Variants in PPA2 observed in about 807,000 individuals in gnomAD.
PPA2 encodes the protein inorganic pyrophosphatase 2, also known as inorganic pyrophosphatase 2, mitochondrial.
A neutral mutation model predicts 49.5 loss-of-function variants in PPA2; 48 were observed. The observed-to-expected ratio is 0.97, with a 90% CI of 0.77 to 1.23. The LOEUF is 1.23. PPA2 is among the 50% of genes most tolerant of loss of function. PPA2 has a pLI of 0.00. For synonymous variants in PPA2, 131 were observed against 139.9 expected (o/e 0.94, Z 0.45); for missense variants, 429 against 410.1 (o/e 1.05, Z -0.40).
intron 1 of PPA2, among the ~76,000 whole-genome samples, chr4:105,460,206 A>G (rs1004018876): frequency 6.6e-6 from 1 of 152,232 alleles, no homozygotes; most frequent in African/African-American, 2.4e-5. Context: ...TAAACATAAT[A>G]CAAATAAAAC....
chr4:105,456,516 T>C, intron 2 of PPA2, 165 bp downstream of exon 2: 2 of 570,390 alleles, frequency 3.5e-6, no homozygotes, highest in Non-Finnish European at 6.4e-6. Flanking sequence ...CCTATTCTCA[T>C]ACAACTTTTA....
At chr4:105,396,074 G>T (rs1734129134) in intron 9 of PPA2, among the ~76,000 whole-genome samples, 175 bp downstream of exon 9, 1 of 151,940 alleles carries the variant, frequency 6.6e-6, no homozygotes, top group African/African-American at 2.4e-5. Flanking sequence ...TGAGAAAAAA[G>T]ATCACGTCAA....
intron 9 of PPA2, among the ~76,000 whole-genome samples, chr4:105,391,480 C>T (rs1733920092): frequency 6.6e-6 from 1 of 151,254 alleles, no homozygotes; most frequent in Non-Finnish European, 1.5e-5. Flanking sequence ...CATATTTAGA[C>T]TACCTACTGC....
chr4:105,425,458 T>C lies in PPA2; in HGVS notation c.529-1136A>G, dbSNP rs532827582. Among the ~76,000 whole-genome samples, 65 of 151,984 alleles carry C rather than the reference T, an allele frequency of 4.3e-4. 1 individual carries two copies. The highest frequency in any genetic ancestry group is 7.7e-4 in the Non-Finnish European group (52 of 67,970). ...TCTCTCAATGAGCTTAACAACAAAA[T>C]AGACATTGCCAAAGAGAAAATTAGT... On this transcript the variant is annotated intron_variant, in intron 6 of 11. Transcript: ENST00000341695.
intron 9 of PPA2, among the ~76,000 whole-genome samples, chr4:105,388,967 A>G (rs1031321119): frequency 1.1e-4 from 17 of 152,170 alleles, no homozygotes; most frequent in African/African-American, 3.9e-4. Flanking sequence ...CTATTTATCA[A>G]ATAGGCTCTT....
chr4:105,397,012 A>G (rs1039737277), intron 8 of PPA2, among the ~76,000 whole-genome samples: 3 of 152,234 alleles, frequency 2.0e-5, no homozygotes, highest in Admixed American at 6.5e-5. Context: ...ATAAGCAACA[A>G]TAGATATACC....
chr4:105,449,250 A>G, intron 4 of PPA2, 100 bp downstream of exon 4: 1 of 432,764 alleles, frequency 2.3e-6, no homozygotes, highest in Non-Finnish European at 3.7e-6. Context: ...AAAAAAAAAA[A>G]AAAAAAAAAA....
At chr4:105,382,128 T>A (rs1473249790) in intron 10 of PPA2, among the ~76,000 whole-genome samples, 2 of 151,982 alleles carry the variant, frequency 1.3e-5, no homozygotes, top group Non-Finnish European at 2.9e-5. Flanking sequence ...GTTTTAAATA[T>A]AAATTATTTA....
intron 5 of PPA2, among the ~76,000 whole-genome samples, chr4:105,440,064 T>C (rs539783226): frequency 1.3e-5 from 2 of 151,454 alleles, no homozygotes; most frequent in African/African-American, 2.4e-5. Context: ...ATCTGAGAGG[T>C]TCCTCCTTGC....
chr4:105,399,175 A>G lies in PPA2; in HGVS notation c.656-11T>C. ...TAACATCATCAATATCTGTAAAGAA[A>G]AAAACAAAAAGATGTTTTGTTAAGA... On this transcript the variant is annotated splice_polypyrimidine_tract_variant and intron_variant, in intron 7 of 11. Transcript: ENST00000341695. 1 of 1,582,478 alleles carries G rather than the reference A, an allele frequency of 6.3e-7. No individual in the cohort carries two copies. Among genetic ancestry groups the G allele is most frequent in the Non-Finnish European group, 8.5e-7 (1 of 1,171,472 alleles).
At chr4:105,469,487 A>G (rs992677332) in intron 1 of PPA2, among the ~76,000 whole-genome samples, 2 of 152,232 alleles carry the variant, frequency 1.3e-5, no homozygotes, top group Non-Finnish European at 2.9e-5. Context: ...AGACAGCTAA[A>G]TGTATGCCAT....
chr4:105,393,187 C>G (rs1733992947), intron 9 of PPA2, among the ~76,000 whole-genome samples: 1 of 151,990 alleles, frequency 6.6e-6, no homozygotes, highest in South Asian at 2.1e-4. Flanking sequence ...TCCATGAGAA[C>G]AAGTTTGGAT....
chr4:105,463,123 G>A (rs1310904386), intron 1 of PPA2, among the ~76,000 whole-genome samples: 5 of 152,190 alleles, frequency 3.3e-5, no homozygotes, highest in Admixed American at 1.3e-4. Flanking sequence ...ACAGGAAAAC[G>A]TGGGAAAGTC....
intron 6 of PPA2, among the ~76,000 whole-genome samples, chr4:105,433,853 G>A (rs1399986904): frequency 2.6e-5 from 4 of 152,194 alleles, no homozygotes; most frequent in Non-Finnish European, 4.4e-5. Flanking sequence ...AGATATGGAT[G>A]ATATTTGCAG....
rs73836216 is a variant in PPA2, at chr4:105,456,845, G to A, written c.158-100C>T. On this transcript the variant is annotated intron_variant, in intron 1 of 11. Transcript: ENST00000341695. ...CATCCTTATCCACTTTTAAACTTAC[G>A]CATTTTTTACAAAGCTAACTTTAAC... is the stretch of plus-strand genomic sequence containing the variant. 2.1e-3 allele frequency: 1,893 copies of A among 922,800 alleles called. 7 individuals carry two copies. Among genetic ancestry groups the A allele is most frequent in the Non-Finnish European group, 2.2e-3 (1,483 of 659,412 alleles). The allele number at this position is 922,800 out of a possible 1,614,324, so 57.2% of individuals were successfully genotyped here.
At chr4:105,463,808 C>T (rs1224620395) in intron 1 of PPA2, among the ~76,000 whole-genome samples, 3 of 152,176 alleles carry the variant, frequency 2.0e-5, no homozygotes, top group African/African-American at 4.8e-5. Flanking sequence ...GTTGAGCCTG[C>T]GGGTGCACAG....
rs942975722 is a variant in PPA2, at chr4:105,437,803, G to C, written c.528+147C>G. The C allele has an allele frequency of 1.0e-5, 6 of 592,832 alleles. No individual in the cohort carries two copies. In the East Asian group the frequency reaches 1.9e-4, roughly 18 times the overall value. 36.7% of individuals were successfully genotyped at this position (592,832 alleles called of 1,614,324 possible). A position where few individuals can be genotyped will look rare whatever the true frequency, so the allele number is the denominator to read the frequency against. On this transcript the variant is annotated intron_variant, in intron 6 of 11. Transcript: ENST00000341695. ...TTTACCAACCCCTGGTTTAAGACAA[G>C]AAAGTGAAGATAAAAGGAGGGACTG...
intron 5 of PPA2, among the ~76,000 whole-genome samples, chr4:105,445,351 G>A (rs558042099): frequency 4.6e-5 from 7 of 152,236 alleles, no homozygotes; most frequent in African/African-American, 1.7e-4. Context: ...TGGAGAGTTA[G>A]AAAACCTGCT....
intron 11 of PPA2, 132 bp downstream of exon 11, chr4:105,370,705 T>G: frequency 8.5e-7 from 1 of 1,169,952 alleles, no homozygotes; most frequent in Non-Finnish European, 1.1e-6. Flanking sequence ...GCGACTATTT[T>G]AAAAATATTT....
Sources: gnomAD v4.1 joint callset for allele counts (sites outside exome capture counted in the v4.1 genomes callset) on GRCh38, gnomAD v4.1.1 for gene constraint, MANE v1.5 for transcripts, NCBI Gene and HGNC (gene_info 2026-07-23, HGNC 2026-07-21) for gene names.